Variants in TRIM23 observed in about 807,000 individuals in gnomAD.
The protein encoded by TRIM23 is E3 ubiquitin-protein ligase TRIM23.
TRIM23 carries 27 observed loss-of-function variants against 71.0 expected under a neutral mutation model. The ratio of observed to expected loss-of-function variants is 0.38; its 90% CI spans 0.28 to 0.52. The LOEUF (loss-of-function observed/expected upper bound fraction) is 0.52. Ranked by LOEUF, TRIM23 falls within the 20% of genes least tolerant of loss-of-function variation. TRIM23 has a pLI of 0.84. For missense variants in TRIM23, 482 were observed against 692.3 expected (o/e 0.70, Z 3.41); for synonymous variants, 234 against 238.0 (o/e 0.98, Z 0.16).
intron 1 of TRIM23, among the ~76,000 whole-genome samples, chr5:65,622,087 C>T (rs113672295): frequency 0.19 from 28,922 of 151,984 alleles, 3,395 homozygotes; most frequent in South Asian, 0.32. Context: ...CCCACCTCAG[C>T]CTCCCAAAGT....
At chr5:65,622,327 T>G (rs927412591) in intron 1 of TRIM23, among the ~76,000 whole-genome samples, 1 of 152,080 alleles carries the variant, frequency 6.6e-6, no homozygotes, top group African/African-American at 2.4e-5. Flanking sequence ...CCACAATGCC[T>G]GGCTACGTTT....
intron 1 of TRIM23, among the ~76,000 whole-genome samples, chr5:65,619,186 T>C (rs916682205): frequency 6.6e-6 from 1 of 152,212 alleles, no homozygotes; most frequent in African/African-American, 2.4e-5. Context: ...TCTGACCCTA[T>C]GCTCCAACTA....
intron 6 of TRIM23, among the ~76,000 whole-genome samples, chr5:65,607,653 T>C: frequency 6.6e-6 from 1 of 152,216 alleles, no homozygotes; most frequent in Non-Finnish European, 1.5e-5. Context: ...TGGACTAATA[T>C]ACCAGTCATT....
intron 10 of TRIM23, 80 bp from the exon 11 acceptor site, chr5:65,592,028 T>C (rs969268160): frequency 2.3e-5 from 32 of 1,363,796 alleles, no homozygotes; most frequent in Non-Finnish European, 2.9e-5. Context: ...TAGAGAAATT[T>C]GTTGACAGTG....
chr5:65,597,570 A>C (rs956011930), intron 7 of TRIM23, among the ~76,000 whole-genome samples: 2 of 152,216 alleles, frequency 1.3e-5, no homozygotes, highest in African/African-American at 2.4e-5. Context: ...ATATCCCTCC[A>C]GACACTTTCC....
rs1561747692 is a variant in TRIM23, at chr5:65,609,474, T to C, written c.829-16A>G. On this transcript the variant is annotated splice_polypyrimidine_tract_variant and intron_variant, in intron 5 of 10. Transcript: ENST00000231524. Reference sequence around the variant, plus strand: ...TCCCTGGTACCTAAGAAAATGAAAATAAATTTTAAGCAACTGTAATGTTAA... The same window carrying C: ...TCCCTGGTACCTAAGAAAATGAAAACAAATTTTAAGCAACTGTAATGTTAA... The C allele has an allele frequency of 6.2e-7, 1 of 1,605,894 alleles. No individual in the cohort carries two copies. Among genetic ancestry groups the C allele is most frequent in the African/African-American group, 1.3e-5 (1 of 74,346 alleles).
chr5:65,598,519 G>A (rs751740617), intron 7 of TRIM23, among the ~76,000 whole-genome samples: 5 of 152,174 alleles, frequency 3.3e-5, no homozygotes, highest in Admixed American at 6.5e-5. Flanking sequence ...GGCCGAGGTT[G>A]GGGGTGGATC....
Position 65,603,411 on chromosome 5 carries a change from A to T in TRIM23, c.1179+1500T>A, listed in dbSNP as rs374752302. 1.1e-4 allele frequency among the ~76,000 whole-genome samples: 17 copies of T among 152,338 alleles called. 1 individual carries two copies. In the East Asian group the frequency reaches 2.5e-3, roughly 22 times the overall value. On this transcript the variant is annotated intron_variant, in intron 7 of 10. Coordinates refer to ENST00000231524, the MANE Select transcript of TRIM23 (RefSeq NM_001656.4). ...CTACTGCTACAGAGTGATGTTTAGGATGTACAGCTAAGTAAAAAGAGCAGG... is the reference window on the plus strand; with the variant it reads ...CTACTGCTACAGAGTGATGTTTAGGTTGTACAGCTAAGTAAAAAGAGCAGG...
At chr5:65,615,179 G>A (rs1754748734) in intron 2 of TRIM23, among the ~76,000 whole-genome samples, 1 of 152,104 alleles carries the variant, frequency 6.6e-6, no homozygotes, top group African/African-American at 2.4e-5. Context: ...TGGGATTACA[G>A]GTGTGAGCCA....
chr5:65,602,642 G>A (rs192755764), intron 7 of TRIM23, among the ~76,000 whole-genome samples: 367 of 152,196 alleles, frequency 2.4e-3, no homozygotes, highest in African/African-American at 8.0e-3. Flanking sequence ...GGACATACCC[G>A]AAACTGGGAA....
intron 2 of TRIM23, among the ~76,000 whole-genome samples, chr5:65,615,787 G>GA (rs1754763389): frequency 6.6e-6 from 1 of 152,186 alleles, no homozygotes; most frequent in African/African-American, 2.4e-5. Flanking sequence ...TTACTAGGTA[G>GA]TGCCTAATAT....
chr5:65,601,060 C>T (rs1754350141), intron 7 of TRIM23, among the ~76,000 whole-genome samples: 1 of 152,156 alleles, frequency 6.6e-6, no homozygotes, highest in Admixed American at 6.5e-5. Context: ...TATGGTGCAA[C>T]CATTATGGAA....
intron 2 of TRIM23, among the ~76,000 whole-genome samples, chr5:65,616,641 TAAA>T (rs746034795): frequency 6.9e-4 from 87 of 126,282 alleles, no homozygotes; most frequent in Admixed American, 9.9e-4. Context: ...CACTCTGCTT[TAAA>T]AAAAAAAAAA....
At chr5:65,618,012 A>T (rs1409697488) in intron 2 of TRIM23, 81 bp downstream of exon 2, 2 of 1,368,306 alleles carry the variant, frequency 1.5e-6, no homozygotes, top group Non-Finnish European at 1.9e-6. Flanking sequence ...CTAAAAATCA[A>T]GTGGAAGGAC....
rs774615373 is a variant in TRIM23, at chr5:65,594,658, A to C, written c.1421-13T>G. On this transcript the variant is annotated splice_polypyrimidine_tract_variant and intron_variant, in intron 9 of 10. Coordinates refer to ENST00000231524, the MANE Select transcript of TRIM23 (RefSeq NM_001656.4). ...ACAAACACAACAGCTACCCAAAAAA[A>C]AATAAAAAAAACAAAAATAGTCACT... 5 of 1,539,130 alleles carry C rather than the reference A, an allele frequency of 3.2e-6. No individual in the cohort carries two copies. In the Admixed American group the frequency reaches 1.2e-4, roughly 36 times the overall value.
intron 3 of TRIM23, 110 bp from the exon 4 acceptor site, chr5:65,611,991 T>C (rs1364019691): frequency 3.0e-6 from 3 of 1,003,328 alleles, no homozygotes; most frequent in African/African-American, 1.6e-5. Flanking sequence ...AATATTTACA[T>C]ATGAAAATAT....
At chr5:65,594,224 T>C (rs1754128416) in intron 10 of TRIM23, among the ~76,000 whole-genome samples, 1 of 152,254 alleles carries the variant, frequency 6.6e-6, no homozygotes, top group Admixed American at 6.5e-5. Flanking sequence ...CATTTAGAAC[T>C]ACTTTCCTAA....
At chr5:65,605,546 C>T (rs1016030130) in intron 6 of TRIM23, among the ~76,000 whole-genome samples, 2 of 152,104 alleles carry the variant, frequency 1.3e-5, no homozygotes, top group African/African-American at 4.8e-5. Flanking sequence ...TCTGAAAATT[C>T]AGCCAACTGA....
At position 65,589,920 on chromosome 5, in the gene TRIM23, C is replaced by T. The variant is rs1753973713; in HGVS notation, c.*1849G>A. On this transcript the variant is annotated 3_prime_UTR_variant, in exon 11 of 11. Transcript: ENST00000231524. ...TTCTTAGTTTCCCAGGGAAGACTAG[C>T]ACAGTCTTAACTAATGATTAGTGAA... is the stretch of plus-strand genomic sequence containing the variant. The T allele has an allele frequency of 6.1e-6, 1 of 163,140 alleles. No homozygotes were observed. The highest frequency in any genetic ancestry group is 1.3e-5 in the Non-Finnish European group (1 of 74,746). 10.1% of individuals were successfully genotyped at this position (163,140 alleles called of 1,614,324 possible). A position where few individuals can be genotyped will look rare whatever the true frequency, so the allele number is the denominator to read the frequency against.
Sources: gnomAD v4.1 joint callset for allele counts (sites outside exome capture counted in the v4.1 genomes callset) on GRCh38, gnomAD v4.1.1 for gene constraint, MANE v1.5 for transcripts, NCBI Gene and HGNC (gene_info 2026-07-23, HGNC 2026-07-21) for gene names.